The following SGCZ variants were observed in gnomAD, a reference collection of about 807,000 sequenced individuals.
SGCZ encodes the protein zeta-sarcoglycan.
A neutral mutation model predicts 41.3 loss-of-function variants in SGCZ; 40 were observed. The observed-to-expected ratio is 0.97, with a 90% CI of 0.75 to 1.26. The LOEUF is 1.26. SGCZ is among the 50% of genes most tolerant of loss of function. The probability of loss-of-function intolerance (pLI) is 0.00; values close to 1 mark genes in which losing one functional copy is unlikely to be tolerated. For synonymous variants in SGCZ, 206 were observed against 137.5 expected, an observed-to-expected ratio of 1.50 and a Z score of -3.49; for missense variants, 552 against 369.8, an observed-to-expected ratio of 1.49 and a Z score of -4.04.
intron 1 of SGCZ, among the ~76,000 whole-genome samples, chr8:14,940,780 T>G (rs889376658): frequency 6.6e-6 from 1 of 151,996 alleles, no homozygotes; most frequent in Admixed American, 6.6e-5. Flanking sequence ...TGTGTACACA[T>G]GGTCAAAGAC....
At chr8:14,196,241 A>G (rs1805262818) in intron 4 of SGCZ, among the ~76,000 whole-genome samples, 1 of 149,826 alleles carries the variant, frequency 6.7e-6, no homozygotes, top group Non-Finnish European at 1.5e-5. Context: ...AAGATAAAAT[A>G]AAATACTAAA....
intron 3 of SGCZ, among the ~76,000 whole-genome samples, chr8:14,291,963 G>T (rs1800854774): frequency 6.6e-6 from 1 of 152,020 alleles, no homozygotes. Flanking sequence ...CCAGAAGAAA[G>T]GAGATAATAA....
At position 14,619,221 on chromosome 8, in the gene SGCZ, C is replaced by T. The variant is rs144266947; in HGVS notation, c.40-64295G>A. Among the ~76,000 whole-genome samples the T allele has an allele frequency of 2.7e-3, 413 of 152,196 alleles. 2 individuals carry two copies. The highest frequency in any genetic ancestry group is 9.3e-3 in the African/African-American group (385 of 41,536). ...ATTATCTCAATAGATGCAGAAAAGG[C>T]CTTTGACAAAATTCAACAACCTTCA... On this transcript the variant is annotated intron_variant, in intron 1 of 7. Coordinates refer to ENST00000382080, the MANE Select transcript of SGCZ (RefSeq NM_139167.4).
intron 3 of SGCZ, among the ~76,000 whole-genome samples, chr8:14,263,468 G>A (rs988887994): frequency 3.3e-5 from 5 of 152,190 alleles, no homozygotes; most frequent in Admixed American, 2.6e-4. Context: ...AGAATCACTT[G>A]AACCCAGGAG....
chr8:14,126,382 C>T (rs1308456401), intron 5 of SGCZ, among the ~76,000 whole-genome samples: 2 of 152,080 alleles, frequency 1.3e-5, no homozygotes, highest in Non-Finnish European at 2.9e-5. Flanking sequence ...AACGAAAAAA[C>T]TCAACATCAC....
chr8:15,121,711 C>T (rs922547923), intron 1 of SGCZ, among the ~76,000 whole-genome samples: 1 of 152,002 alleles, frequency 6.6e-6, no homozygotes, highest in Non-Finnish European at 1.5e-5. Context: ...GGCTTTGGGT[C>T]CTGAACCACA....
At chr8:14,195,829 G>A (rs188902271) in intron 4 of SGCZ, among the ~76,000 whole-genome samples, 2 of 152,038 alleles carry the variant, frequency 1.3e-5, no homozygotes, top group African/African-American at 4.8e-5. Flanking sequence ...ATCAAAGTAA[G>A]TGAAAAAGAC....
chr8:15,201,566 C>G (rs1316695983), intron 1 of SGCZ, among the ~76,000 whole-genome samples: 1 of 152,178 alleles, frequency 6.6e-6, no homozygotes, highest in Non-Finnish European at 1.5e-5. Context: ...ACTGTTGGAA[C>G]CATACAAATC....
intron 1 of SGCZ, among the ~76,000 whole-genome samples, chr8:15,200,834 C>G (rs1223736458): frequency 6.6e-6 from 1 of 152,186 alleles, no homozygotes; most frequent in Non-Finnish European, 1.5e-5. Context: ...CTGTCACACT[C>G]TGCCTGAGTT....
intron 4 of SGCZ, among the ~76,000 whole-genome samples, chr8:14,176,997 A>G (rs11203580): frequency 0.93 from 142,116 of 152,156 alleles, 66,499 homozygotes; most frequent in East Asian, 0.99. Flanking sequence ...CTACTTTGGG[A>G]GCAGGACACG....
intron 4 of SGCZ, among the ~76,000 whole-genome samples, chr8:14,203,504 T>G (rs1184395354): frequency 6.6e-6 from 1 of 152,210 alleles, no homozygotes; most frequent in Non-Finnish European, 1.5e-5. Flanking sequence ...GTATTTAAAT[T>G]TTTATTTCAC....
At chr8:14,091,713 T>C (rs1345345831) in intron 7 of SGCZ, among the ~76,000 whole-genome samples, 1 of 152,220 alleles carries the variant, frequency 6.6e-6, no homozygotes, top group Non-Finnish European at 1.5e-5. Context: ...AAGTTCTTTG[T>C]AGGTTCTGGA....
intron 2 of SGCZ, among the ~76,000 whole-genome samples, chr8:14,501,104 A>C (rs1392737618): frequency 1.3e-5 from 2 of 151,930 alleles, no homozygotes; most frequent in Admixed American, 1.3e-4. Context: ...TCTTGGGGAG[A>C]ATAGGTGACC....
chr8:15,023,004 T>C (rs1376903289), intron 1 of SGCZ, among the ~76,000 whole-genome samples: 2 of 152,166 alleles, frequency 1.3e-5, no homozygotes, highest in Non-Finnish European at 2.9e-5. Flanking sequence ...GACCTTAAAC[T>C]ACTGTGGGCA....
chr8:14,586,857 A>T lies in SGCZ; in HGVS notation c.40-31931T>A, dbSNP rs114561633. Among the ~76,000 whole-genome samples the T allele has an allele frequency of 3.1e-3, 473 of 152,272 alleles. 3 individuals are homozygous for T. The highest frequency in any genetic ancestry group is 0.011 in the African/African-American group (447 of 41,560). Reference sequence around the variant, plus strand: ...ATTTCCTCAAATGCTACTGACATAGAATATAATTAAAACGAGGAAATTTTG... The same window carrying T: ...ATTTCCTCAAATGCTACTGACATAGTATATAATTAAAACGAGGAAATTTTG... On this transcript the variant is annotated intron_variant, in intron 1 of 7. Transcript: ENST00000382080.
intron 3 of SGCZ, among the ~76,000 whole-genome samples, chr8:14,260,864 G>A (rs981430564): frequency 1.5e-4 from 23 of 152,056 alleles, no homozygotes; most frequent in East Asian, 7.8e-4. Context: ...ACCAAACACC[G>A]CATATTCTCA....
At chr8:14,573,711 C>G (rs1182035520) in intron 1 of SGCZ, among the ~76,000 whole-genome samples, 2 of 152,020 alleles carry the variant, frequency 1.3e-5, no homozygotes, top group Non-Finnish European at 2.9e-5. Flanking sequence ...AATGCATTTA[C>G]TTAAATAAGG....
intron 1 of SGCZ, among the ~76,000 whole-genome samples, chr8:15,080,225 A>AT (rs908984351): frequency 9.3e-4 from 140 of 149,734 alleles, no homozygotes; most frequent in African/African-American, 3.0e-3. Context: ...TTCCAATAGA[A>AT]TTTTTTTTTT....
intron 1 of SGCZ, among the ~76,000 whole-genome samples, chr8:14,637,919 T>C (rs143604103): frequency 3.7e-4 from 56 of 152,036 alleles, no homozygotes; most frequent in African/African-American, 1.3e-3. Context: ...GGGGCTAATT[T>C]ACATTCCTAC....
Sources: gnomAD v4.1 joint callset for allele counts (sites outside exome capture counted in the v4.1 genomes callset) on GRCh38, gnomAD v4.1.1 for gene constraint, MANE v1.5 for transcripts, NCBI Gene and HGNC (gene_info 2026-07-23, HGNC 2026-07-21) for gene names.